The following DSCAM variants were observed in gnomAD, a reference collection of about 807,000 sequenced individuals.
DSCAM encodes DS cell adhesion molecule.
DSCAM carries 47 observed loss-of-function variants against 217.7 expected under a neutral mutation model. That is an observed-to-expected ratio of 0.22 (90% CI 0.17 to 0.28). The LOEUF is 0.28. Among genes scored for constraint, DSCAM ranks in the 10% least tolerant of loss-of-function variants. DSCAM has a pLI of 1.00. For synonymous variants in DSCAM, 1,056 were observed against 1,015.3 expected (o/e 1.04, Z -0.76); for missense variants, 2,080 against 2,618.3 (o/e 0.79, Z 4.49).
chr21:40,609,023 T>C (rs2089278811), intron 3 of DSCAM, among the ~76,000 whole-genome samples: 1 of 152,180 alleles, frequency 6.6e-6, no homozygotes, highest in Non-Finnish European at 1.5e-5. Context: ...GGCACAATCA[T>C]GGCTCACTGC....
At chr21:40,490,394 TTTAC>T (rs1283901766) in intron 3 of DSCAM, among the ~76,000 whole-genome samples, 1 of 152,206 alleles carries the variant, frequency 6.6e-6, no homozygotes, top group Non-Finnish European at 1.5e-5. Flanking sequence ...TTTAATTTCT[TTTAC>T]TTACTATGTA....
At chr21:40,468,431 C>T (rs568089108) in intron 3 of DSCAM, among the ~76,000 whole-genome samples, 1 of 152,270 alleles carries the variant, frequency 6.6e-6, no homozygotes, top group African/African-American at 2.4e-5. Flanking sequence ...TACACTATTT[C>T]AGAGACTTAT....
At chr21:40,040,569 C>T (rs1393009386) in intron 32 of DSCAM, among the ~76,000 whole-genome samples, 1 of 138,688 alleles carries the variant, frequency 7.2e-6, no homozygotes, top group African/African-American at 2.5e-5. Context: ...CTTCAGTGGT[C>T]ACTGGAGAAA....
Position 40,637,534 on chromosome 21 carries a change from C to CAA in DSCAM, c.508+55275_508+55276insTT, listed in dbSNP as rs1452089347. ...ATATATAAATATATATAAATATATA[C>CAA]ATATATACATATATATAAATATATA... On this transcript the variant is annotated intron_variant, in intron 3 of 32. Transcript: ENST00000400454. Among the ~76,000 whole-genome samples the CAA allele has an allele frequency of 1.6e-4, 5 of 32,236 alleles. 1 individual carries two copies. The highest frequency in any genetic ancestry group is 5.1e-4 in the African/African-American group (5 of 9,722). 21.1% of individuals were successfully genotyped at this position (32,236 alleles called of 152,430 possible).
chr21:40,264,844 A>G (rs1181840810), intron 11 of DSCAM, among the ~76,000 whole-genome samples: 1 of 152,204 alleles, frequency 6.6e-6, no homozygotes, highest in Non-Finnish European at 1.5e-5. Flanking sequence ...TTAGGTTACA[A>G]TATCAATATA....
intron 16 of DSCAM, among the ~76,000 whole-genome samples, chr21:40,152,349 T>G (rs2090432342): frequency 6.6e-6 from 1 of 152,218 alleles, no homozygotes; most frequent in African/African-American, 2.4e-5. Context: ...TAAGAGAAGG[T>G]CATGCCTGCT....
rs78073432 is a variant in DSCAM at position 40,375,901 on chromosome 21, A to T, written c.509-6656T>A. Among the ~76,000 whole-genome samples the T allele has an allele frequency of 2.6e-5, 4 of 152,204 alleles. No homozygotes were observed. In the East Asian group the frequency reaches 7.7e-4, roughly 29 times the overall value. On this transcript the variant is annotated intron_variant, in intron 3 of 32. Coordinates refer to ENST00000400454, the MANE Select transcript of DSCAM (RefSeq NM_001389.5). ...ATAAAAAGAGTTTGTTCTCCTCCAG[A>T]GATGAATATATTCTTATATGAAAAT...
chr21:40,441,411 T>A (rs993263667), intron 3 of DSCAM, among the ~76,000 whole-genome samples: 2 of 152,216 alleles, frequency 1.3e-5, no homozygotes, highest in African/African-American at 4.8e-5. Flanking sequence ...TTATTCATTG[T>A]GACTTAGTTA....
At chr21:40,031,972 C>T (rs1341327025) in intron 32 of DSCAM, among the ~76,000 whole-genome samples, 2 of 152,200 alleles carry the variant, frequency 1.3e-5, no homozygotes, top group African/African-American at 4.8e-5. Context: ...CAACCTTGCC[C>T]CTAGTCTCCA....
chr21:40,133,162 T>A (rs996246486), intron 19 of DSCAM, among the ~76,000 whole-genome samples: 3 of 152,262 alleles, frequency 2.0e-5, no homozygotes, highest in Non-Finnish European at 2.9e-5. Context: ...TCAGAACTTA[T>A]CTGTTCCTTA....
At chr21:40,362,234 C>A (rs558778000) in intron 4 of DSCAM, among the ~76,000 whole-genome samples, 2 of 152,118 alleles carry the variant, frequency 1.3e-5, no homozygotes, top group South Asian at 4.1e-4. Flanking sequence ...AATAAACATA[C>A]GTGTGCATGT....
At chr21:40,306,691 T>C (rs1006371245) in intron 9 of DSCAM, among the ~76,000 whole-genome samples, 9 of 152,140 alleles carry the variant, frequency 5.9e-5, no homozygotes, top group African/African-American at 1.9e-4. Flanking sequence ...TCTGCATCTA[T>C]TGAGATAATC....
At chr21:40,289,220 T>C (rs190851754) in intron 10 of DSCAM, among the ~76,000 whole-genome samples, 3 of 152,210 alleles carry the variant, frequency 2.0e-5, no homozygotes, top group East Asian at 3.9e-4. Context: ...AACAGGGTAA[T>C]TGAGCAGAAG....
rs79450717 is a variant in DSCAM at position 40,475,068 on chromosome 21, G to A, written c.509-105823C>T. On this transcript the variant is annotated intron_variant, in intron 3 of 32. Transcript: ENST00000400454. ...CTACCCTGGATGCTGAAGTTGGAGA[G>A]CACTTAAGGTTTCCAGAAGTTTCTC... is the stretch of plus-strand genomic sequence containing the variant. Among the ~76,000 whole-genome samples the A allele has an allele frequency of 2.5e-3, 377 of 152,252 alleles. 1 individual carries two copies. The highest frequency in any genetic ancestry group is 8.8e-3 in the African/African-American group (365 of 41,558).
chr21:40,540,417 A>G (rs564133539), intron 3 of DSCAM, among the ~76,000 whole-genome samples: 3 of 152,240 alleles, frequency 2.0e-5, no homozygotes, highest in African/African-American at 7.2e-5. Flanking sequence ...TGTCGATGTT[A>G]ATTACCCACA....
chr21:40,261,651 CT>C (rs879402435), intron 11 of DSCAM, among the ~76,000 whole-genome samples: 14,421 of 92,870 alleles, frequency 0.16, 1,121 homozygotes, highest in African/African-American at 0.28. Context: ...CTCTCTCTCT[CT>C]ACACACACAC....
chr21:40,114,924 G>A (rs1227642182), intron 20 of DSCAM, among the ~76,000 whole-genome samples: 2 of 152,194 alleles, frequency 1.3e-5, no homozygotes, highest in Non-Finnish European at 2.9e-5. Context: ...ACAGGTGTTG[G>A]AGAGGATGTG....
intron 1 of DSCAM, among the ~76,000 whole-genome samples, chr21:40,781,517 T>G (rs951914592): frequency 7.2e-5 from 11 of 152,316 alleles, no homozygotes; most frequent in African/African-American, 2.6e-4. Context: ...AGCTTGATAA[T>G]GCAGTATTTG....
At chr21:40,068,937 T>A (rs2146531964) in intron 27 of DSCAM, among the ~76,000 whole-genome samples, 1 of 151,964 alleles carries the variant, frequency 6.6e-6, no homozygotes, top group Non-Finnish European at 1.5e-5. Flanking sequence ...AATACAAAAT[T>A]AGCCGGGCAT....
Sources: gnomAD v4.1 joint callset for allele counts (sites outside exome capture counted in the v4.1 genomes callset) on GRCh38, gnomAD v4.1.1 for gene constraint, MANE v1.5 for transcripts, NCBI Gene and HGNC (gene_info 2026-07-23, HGNC 2026-07-21) for gene names.